CDC42BPA: variants seen among roughly 807,000 people sequenced by gnomAD.
The protein encoded by CDC42BPA is serine/threonine-protein kinase MRCK alpha.
CDC42BPA carries 80 observed loss-of-function variants against 223.5 expected under a neutral mutation model. The ratio of observed to expected loss-of-function variants is 0.36; its 90% CI spans 0.30 to 0.43. The LOEUF (loss-of-function observed/expected upper bound fraction) is 0.43, where lower values mean the gene tolerates loss of function less well. CDC42BPA is among the 20% of genes least tolerant of loss of function. CDC42BPA has a pLI of 1.00. For missense variants in CDC42BPA, 1,743 were observed against 2,099.9 expected, an observed-to-expected ratio of 0.83 and a Z score of 3.32; for synonymous variants, 694 against 718.6, an observed-to-expected ratio of 0.97 and a Z score of 0.55.
At chr1:227,249,103 ACAGAATAAAGAACC>A (rs1450262390) in intron 2 of CDC42BPA, among the ~76,000 whole-genome samples, 2 of 152,200 alleles carry the variant, frequency 1.3e-5, no homozygotes, top group Admixed American at 1.3e-4. Flanking sequence ...GATTAATGAA[ACAGAATAAAGAACC>A]CAGAAGGAAA....
At chr1:227,050,035 GC>G (rs1255875947) in intron 22 of CDC42BPA, among the ~76,000 whole-genome samples, 1 of 152,000 alleles carries the variant, frequency 6.6e-6, no homozygotes, top group Non-Finnish European at 1.5e-5. Flanking sequence ...CAAAACTTTT[GC>G]AAGACAAAAA....
chr1:227,104,081 C>T (rs954336125), intron 14 of CDC42BPA, among the ~76,000 whole-genome samples: 7 of 151,918 alleles, frequency 4.6e-5, no homozygotes, highest in East Asian at 1.9e-4. Flanking sequence ...GTAAGAAAAA[C>T]ATTAAGACTA....
intron 3 of CDC42BPA, among the ~76,000 whole-genome samples, chr1:227,202,274 A>G (rs1458043847): frequency 6.6e-6 from 1 of 152,092 alleles, no homozygotes; most frequent in East Asian, 1.9e-4. Flanking sequence ...GAGCCACCAC[A>G]CCCGGCCGCT....
rs3795446 is a variant in CDC42BPA at position 226,993,280 on chromosome 1, T to C, written c.*988A>G. 0.4 allele frequency: 61,475 copies of C among 152,182 alleles called. 13,305 individuals are homozygous for C. The highest frequency in any genetic ancestry group is 0.5 in the Non-Finnish European group (34,150 of 67,992). 9.4% of individuals were successfully genotyped at this position (152,182 alleles called of 1,614,324 possible). A position where few individuals can be genotyped will look rare whatever the true frequency, so the allele number is the denominator to read the frequency against. ...ATGGAAGGGATCAGAGGTGACAGAA[T>C]CGTGTATTTCTACATTTATCTGCGG... is the stretch of plus-strand genomic sequence containing the variant. On this transcript the variant is annotated 3_prime_UTR_variant, in exon 37 of 37. Transcript: ENST00000366766.
At chr1:227,083,402 A>G (rs768465438) in intron 16 of CDC42BPA, among the ~76,000 whole-genome samples, 18 of 152,252 alleles carry the variant, frequency 1.2e-4, no homozygotes, top group Middle Eastern at 6.8e-3. Flanking sequence ...ACAGTTTTGT[A>G]TAGATTCCAG....
In CDC42BPA at chr1:227,084,090, T is replaced by A. The variant is rs1003640365; in HGVS notation, c.2356-3073A>T. On this transcript the variant is annotated intron_variant, in intron 16 of 36. Coordinates refer to ENST00000366766, the MANE Select transcript of CDC42BPA (RefSeq NM_001394014.1). Reference sequence around the variant, plus strand: ...CCTGGTTTCCTTGTTGTCACTCCAATGACTTCTTACAGATGAATACTGTAA... The same window carrying A: ...CCTGGTTTCCTTGTTGTCACTCCAAAGACTTCTTACAGATGAATACTGTAA... 8.7e-5 allele frequency among the ~76,000 whole-genome samples: 13 copies of A among 148,764 alleles called. No homozygotes were observed. The South Asian group carries it at 1.7e-3, about 19-fold the overall frequency.
intron 3 of CDC42BPA, among the ~76,000 whole-genome samples, chr1:227,206,416 G>C (rs996613176): frequency 6.6e-6 from 1 of 152,120 alleles, no homozygotes; most frequent in Non-Finnish European, 1.5e-5. Flanking sequence ...TAGCACCTTT[G>C]AGTAACCCGT....
intron 14 of CDC42BPA, among the ~76,000 whole-genome samples, chr1:227,109,762 AAC>A (rs1686599562): frequency 6.6e-6 from 1 of 151,672 alleles, no homozygotes; most frequent in African/African-American, 2.4e-5. Flanking sequence ...TTAAGACACA[AAC>A]ACACACATTA....
chr1:227,178,917 C>T (rs1318671818), intron 5 of CDC42BPA, among the ~76,000 whole-genome samples: 1 of 152,162 alleles, frequency 6.6e-6, no homozygotes, highest in Non-Finnish European at 1.5e-5. Flanking sequence ...ACTGTGTATG[C>T]TATGAGCATG....
intron 5 of CDC42BPA, among the ~76,000 whole-genome samples, chr1:227,161,522 T>A (rs1558645161): frequency 6.6e-6 from 1 of 152,192 alleles, no homozygotes; most frequent in South Asian, 2.1e-4. Context: ...CCATTTAAGA[T>A]CTCTATGCTT....
chr1:227,139,532 T>G, intron 10 of CDC42BPA, 44 bp downstream of exon 10: 1 of 1,281,092 alleles, frequency 7.8e-7, no homozygotes, highest in Non-Finnish European at 1.1e-6. Flanking sequence ...CATAACACTG[T>G]GAGTACAATT....
At chr1:227,142,764 C>T (rs1011269769) in intron 9 of CDC42BPA, among the ~76,000 whole-genome samples, 181 bp downstream of exon 9, 2 of 152,096 alleles carry the variant, frequency 1.3e-5, no homozygotes, top group Non-Finnish European at 2.9e-5. Context: ...GGATTACAGG[C>T]ACCTGCCACC....
intron 3 of CDC42BPA, among the ~76,000 whole-genome samples, chr1:227,209,926 G>C (rs1284161540): frequency 2.0e-5 from 3 of 149,746 alleles, no homozygotes; most frequent in African/African-American, 7.4e-5. Flanking sequence ...AGTTTCAGAA[G>C]GAATGGTACC....
At chr1:227,013,701 T>C (rs1475067149) in intron 34 of CDC42BPA, among the ~76,000 whole-genome samples, 1 of 152,078 alleles carries the variant, frequency 6.6e-6, no homozygotes, top group Non-Finnish European at 1.5e-5. Flanking sequence ...ATAAAAACAT[T>C]CTTTTCTGTG....
chr1:227,234,400 A>G (rs1489572509), intron 2 of CDC42BPA: 1 of 152,234 alleles, frequency 6.6e-6, no homozygotes, highest in East Asian at 1.9e-4. Context: ...ATGTCTAACA[A>G]TTAAAAAGAC....
At chr1:227,160,521 T>C in intron 6 of CDC42BPA, 22 bp downstream of exon 6, 1 of 1,418,158 alleles carries the variant, frequency 7.1e-7, no homozygotes, top group Non-Finnish European at 1.0e-6. Context: ...AACAAAATAA[T>C]TTAGGATTTA....
rs80008212 is a variant in CDC42BPA at position 227,187,057 on chromosome 1, G to A, written c.599+6729C>T. On this transcript the variant is annotated intron_variant, in intron 5 of 36. Coordinates refer to ENST00000366766, the MANE Select transcript of CDC42BPA (RefSeq NM_001394014.1). ...AGGCAAATAGAATCTATGCTCTCTG[G>A]TGGCCATCCTCAAGCTTTGGGCTCA... 1.8e-3 allele frequency among the ~76,000 whole-genome samples: 269 copies of A among 152,184 alleles called. 7 individuals are homozygous for A. The East Asian group carries it at 0.045, about 25-fold the overall frequency.
At chr1:227,061,471 T>TA (rs1278732151) in intron 21 of CDC42BPA, among the ~76,000 whole-genome samples, 1 of 152,204 alleles carries the variant, frequency 6.6e-6, no homozygotes, top group Non-Finnish European at 1.5e-5. Flanking sequence ...ATAAAACTAT[T>TA]AAGTGGTAGA....
chr1:227,065,063 C>G (rs1676726236), intron 21 of CDC42BPA, among the ~76,000 whole-genome samples: 1 of 151,128 alleles, frequency 6.6e-6, no homozygotes, highest in Non-Finnish European at 1.5e-5. Flanking sequence ...CGCCACTGCA[C>G]TCCAGCCTGT....
Sources: gnomAD v4.1 joint callset for allele counts (sites outside exome capture counted in the v4.1 genomes callset) on GRCh38, gnomAD v4.1.1 for gene constraint, MANE v1.5 for transcripts, NCBI Gene and HGNC (gene_info 2026-07-23, HGNC 2026-07-21) for gene names.